The following BRAP variants were observed in gnomAD, a reference collection of about 807,000 sequenced individuals.
BRAP encodes BRCA1-associated protein.
In BRAP, 42 loss-of-function variants were observed where a neutral mutation model predicts 73.4. The observed-to-expected ratio is 0.57, with a 90% CI of 0.45 to 0.74. BRAP has a LOEUF of 0.74. Among genes scored for constraint, BRAP ranks in the 30% least tolerant of loss-of-function variants. BRAP has a pLI of 0.00. For synonymous variants in BRAP, 255 were observed against 267.4 expected, an observed-to-expected ratio of 0.95 and a Z score of 0.45; for missense variants, 593 against 751.4, an observed-to-expected ratio of 0.79 and a Z score of 2.46.
chr12:111,684,746 G>GC (rs1266156311), intron 1 of BRAP, among the ~76,000 whole-genome samples: 2 of 150,668 alleles, frequency 1.3e-5, no homozygotes, highest in Non-Finnish European at 2.9e-5. Context: ...TTGGCTCACC[G>GC]CAACCTCCAC....
In BRAP at chr12:111,649,586, G is replaced by C. The variant is rs182234783; in HGVS notation, c.1415+353C>G. Among the ~76,000 whole-genome samples the C allele has an allele frequency of 1.8e-4, 27 of 152,320 alleles. No individual in the cohort carries two copies. The East Asian group carries it at 3.7e-3, about 21-fold the overall frequency. On this transcript the variant is annotated intron_variant, in intron 11 of 11. Transcript: ENST00000419234. ...AACTCCTGCCCAAGGCCACAGCATA[G>C]AACATCTCCAGCTTAGACACAGTCT...
chr12:111,683,553 T>A (rs1018720638), intron 1 of BRAP, among the ~76,000 whole-genome samples: 1 of 152,162 alleles, frequency 6.6e-6, no homozygotes, highest in African/African-American at 2.4e-5. Flanking sequence ...TTTATTTTTA[T>A]TTTTTGAGAC....
chr12:111,659,167 C>T (rs769494824), intron 8 of BRAP, 40 bp downstream of exon 8: 28 of 1,596,046 alleles, frequency 1.8e-5, no homozygotes, highest in Admixed American at 1.0e-4. Context: ...AAAGTTTCCA[C>T]ACAGAATGAG....
chr12:111,668,367 T>A (rs1051635008), intron 5 of BRAP, among the ~76,000 whole-genome samples: 41 of 152,152 alleles, frequency 2.7e-4, no homozygotes, highest in Non-Finnish European at 4.4e-5. Context: ...TTATACTTTT[T>A]AAAAAAATAA....
At chr12:111,645,524 T>G (rs983737676) in intron 11 of BRAP, among the ~76,000 whole-genome samples, 1 of 152,172 alleles carries the variant, frequency 6.6e-6, no homozygotes, top group African/African-American at 2.4e-5. Flanking sequence ...AAGGAAGTTA[T>G]GAGGAAAAGT....
intron 5 of BRAP, among the ~76,000 whole-genome samples, chr12:111,671,193 C>G (rs995363447): frequency 6.6e-6 from 1 of 152,020 alleles, no homozygotes; most frequent in South Asian, 2.1e-4. Context: ...ATTCCAGTGA[C>G]CACATAATAT....
intron 10 of BRAP, among the ~76,000 whole-genome samples, chr12:111,653,666 G>T (rs1886407699): frequency 6.6e-6 from 1 of 152,018 alleles, no homozygotes; most frequent in Non-Finnish European, 1.5e-5. Context: ...TCAACAGAAG[G>T]CCCACAAACA....
At position 111,665,126 on chromosome 12, in the gene BRAP, T is replaced by C. The variant is rs1886892344; in HGVS notation, c.896+513A>G. ...ACAGGCCTTACCTGTTCTTTGTCTG[T>C]AGCAACATCACCTATGACTAAGACC... is the stretch of plus-strand genomic sequence containing the variant. On this transcript the variant is annotated intron_variant, in intron 6 of 11. Coordinates refer to ENST00000419234, the MANE Select transcript of BRAP (RefSeq NM_006768.5). This position sits in a 1 kb window ranked among gnomAD's most constrained non-coding sequence, Gnocchi z 4.3. Among the ~76,000 whole-genome samples, 1 of 152,186 alleles carries C rather than the reference T, an allele frequency of 6.6e-6. No homozygotes were observed. Among genetic ancestry groups the C allele is most frequent in the African/African-American group, 2.4e-5 (1 of 41,460 alleles).
chr12:111,681,787 G>A lies in BRAP; in HGVS notation c.293C>T (p.Pro98Leu), dbSNP rs766986472. 1.9e-6 allele frequency: 3 copies of A among 1,613,482 alleles called. No homozygotes were observed. The highest frequency in any genetic ancestry group is 1.3e-5 in the African/African-American group (1 of 74,862). The change falls in exon 3 of 12, where the codon CCC becomes CTC. Residue 98 changes from proline (P) to leucine (L), a missense_variant. Around this residue, in one of 4 missense-constraint regions of BRAP, gnomAD observed 304 missense variants for 337.7 expected, o/e 0.90. Coordinates refer to ENST00000419234, the MANE Select transcript of BRAP (RefSeq NM_006768.5). ...GTGATCTTTACTTCTTTGCGCAGTG[G>A]GGGAGGCTTCTGAAGACTTCCTTTC... is the stretch of plus-strand genomic sequence containing the variant. ...VEERKSSEASPTAQRSKDHSK... is the reference protein window; with the variant it reads ...VEERKSSEASLTAQRSKDHSK...
intron 5 of BRAP, among the ~76,000 whole-genome samples, chr12:111,671,328 T>C (rs766289690): frequency 7.4e-5 from 11 of 148,628 alleles, no homozygotes; most frequent in African/African-American, 7.5e-5. Flanking sequence ...GGTGGGCAGA[T>C]CACTTGAGGC....
chr12:111,656,729 TTTTC>T (rs1051425620), intron 9 of BRAP, among the ~76,000 whole-genome samples: 16 of 152,210 alleles, frequency 1.1e-4, no homozygotes, highest in Admixed American at 3.9e-4. Context: ...GATTTTTCTT[TTTTC>T]TTTCTTTTTT....
At chr12:111,681,387 A>T (rs1025689065) in intron 3 of BRAP, among the ~76,000 whole-genome samples, 1 of 152,056 alleles carries the variant, frequency 6.6e-6, no homozygotes, top group Non-Finnish European at 1.5e-5. Flanking sequence ...AAAAAAAGAA[A>T]ACATTTTTCC....
chr12:111,678,115 G>C (rs1887454396), intron 4 of BRAP, among the ~76,000 whole-genome samples: 1 of 152,024 alleles, frequency 6.6e-6, no homozygotes, highest in Admixed American at 6.6e-5. Flanking sequence ...AGCCAGGCAT[G>C]GTGGTGCATG....
Position 111,660,583 on chromosome 12 carries a change from C to T in BRAP, c.972+17G>A, listed in dbSNP as rs371587740. The T allele has an allele frequency of 1.1e-5, 17 of 1,588,060 alleles. No individual in the cohort carries two copies. In the African/African-American group the frequency reaches 1.9e-4, roughly 18 times the overall value. On this transcript the variant is annotated intron_variant, in intron 7 of 11. Coordinates refer to ENST00000419234, the MANE Select transcript of BRAP (RefSeq NM_006768.5). ...TAAAGCTGCATTCTTTGTTCTTTTCCATCACCCATTACTTACTTCCTGAAC... is the reference window on the plus strand; with the variant it reads ...TAAAGCTGCATTCTTTGTTCTTTTCTATCACCCATTACTTACTTCCTGAAC...
chr12:111,668,222 T>C (rs774157728), intron 5 of BRAP, among the ~76,000 whole-genome samples: 51 of 152,028 alleles, frequency 3.4e-4, no homozygotes, highest in Non-Finnish European at 4.7e-4. Flanking sequence ...GGGCGGGGTG[T>C]GGGGGAAGCC....
intron 9 of BRAP, 127 bp from the exon 10 acceptor site, chr12:111,655,782 C>T: frequency 1.4e-6 from 1 of 727,930 alleles, no homozygotes; most frequent in Non-Finnish European, 2.3e-6. Context: ...TATATTTACG[C>T]CCTGGTTCTA....
intron 3 of BRAP, 88 bp downstream of exon 3, chr12:111,681,549 T>A: frequency 9.0e-7 from 1 of 1,110,996 alleles, no homozygotes. Flanking sequence ...AATACCCACT[T>A]TCCTTCAGGA....
chr12:111,651,359 G>A (rs557740465), intron 10 of BRAP, among the ~76,000 whole-genome samples: 47 of 152,012 alleles, frequency 3.1e-4, no homozygotes, highest in Non-Finnish European at 6.0e-4. Flanking sequence ...CCAAGATGGC[G>A]AAAGCCCGTC....
At chr12:111,647,964 A>G (rs1304260297) in intron 11 of BRAP, among the ~76,000 whole-genome samples, 1 of 150,472 alleles carries the variant, frequency 6.6e-6, no homozygotes, top group East Asian at 1.9e-4. Flanking sequence ...GTTACTTGGG[A>G]GGCTGAGGTG....
Sources: gnomAD v4.1 joint callset for allele counts (sites outside exome capture counted in the v4.1 genomes callset) on GRCh38, gnomAD v4.1.1 for gene constraint, gnomAD v4.1.1 regional missense constraint, Gnocchi (gnomAD v3.1) non-coding constraint, MANE v1.5 for transcripts, NCBI Gene and HGNC (gene_info 2026-07-23, HGNC 2026-07-21) for gene names.